LRP4: variants seen among roughly 807,000 people sequenced by gnomAD.
The protein encoded by LRP4 is low-density lipoprotein receptor-related protein 4.
LRP4 carries 95 observed loss-of-function variants against 220.3 expected under a neutral mutation model. The observed-to-expected ratio is 0.43, with a 90% CI of 0.37 to 0.51. The LOEUF (loss-of-function observed/expected upper bound fraction) is 0.51. LRP4 is among the 20% of genes least tolerant of loss of function. The pLI is 0.00. For missense variants in LRP4, 1,925 were observed against 2,567.0 expected (o/e 0.75, Z 5.40); for synonymous variants, 903 against 954.6 (o/e 0.95, Z 1.00).
chr11:46,859,769 G>A (rs1940489884), intron 37 of LRP4, among the ~76,000 whole-genome samples: 1 of 152,204 alleles, frequency 6.6e-6, no homozygotes, highest in South Asian at 2.1e-4. Flanking sequence ...CATTGTTACT[G>A]TGGTTTATTA....
chr11:46,858,270 A>T lies in LRP4; in HGVS notation c.*713T>A, dbSNP rs1306693135. ...ATAGGGGACCCAGTTATCTGAATGT[A>T]GAAACAGCTCCAGACATTCTAGGAG... On this transcript the variant is annotated 3_prime_UTR_variant, in exon 38 of 38. Transcript: ENST00000378623. 1 of 154,740 alleles carries T rather than the reference A, an allele frequency of 6.5e-6. No individual in the cohort carries two copies. Among genetic ancestry groups the T allele is most frequent in the Non-Finnish European group, 1.4e-5 (1 of 69,622 alleles). 9.6% of individuals were successfully genotyped at this position (154,740 alleles called of 1,614,324 possible). A position where few individuals can be genotyped will look rare whatever the true frequency, so the allele number is the denominator to read the frequency against.
chr11:46,905,452 C>T (rs747886359), intron 1 of LRP4, among the ~76,000 whole-genome samples: 1 of 152,200 alleles, frequency 6.6e-6, no homozygotes, highest in Non-Finnish European at 1.5e-5. Context: ...GATATTTTGT[C>T]CCCCGGAGGA....
At chr11:46,871,454 A>G in intron 31 of LRP4, 71 bp downstream of exon 31, 2 of 1,035,592 alleles carry the variant, frequency 1.9e-6, no homozygotes, top group South Asian at 2.7e-5. Context: ...TATAGCTGAG[A>G]CTGCTGACTT....
intron 37 of LRP4, among the ~76,000 whole-genome samples, chr11:46,861,505 T>C (rs1940546211): frequency 6.7e-6 from 1 of 149,768 alleles, no homozygotes; most frequent in African/African-American, 2.4e-5. Flanking sequence ...TATAGTTAGT[T>C]TCCTTGTGGA....
At chr11:46,865,832 T>A (rs1940680650) in intron 34 of LRP4, among the ~76,000 whole-genome samples, 1 of 152,208 alleles carries the variant, frequency 6.6e-6, no homozygotes, top group African/African-American at 2.4e-5. Context: ...GGTCAAAAGT[T>A]TTCTAAATAA....
At chr11:46,888,474 A>G (rs886733099) in intron 16 of LRP4, among the ~76,000 whole-genome samples, 1 of 138,850 alleles carries the variant, frequency 7.2e-6, no homozygotes, top group Non-Finnish European at 1.5e-5. Context: ...AATAGCTTGA[A>G]CCTGGGAAGT....
At position 46,899,832 on chromosome 11, in the gene LRP4, T is replaced by G. The variant is rs755182214; in HGVS notation, c.430+31A>C. On this transcript the variant is annotated intron_variant, in intron 4 of 37. Transcript: ENST00000378623. The surrounding 1 kb of genome is among the most constrained non-coding windows in gnomAD (Gnocchi z 5.9). ...ATGGCCAGGCCACCCACTGGCCACCTTGCCTGCCTTCCCCCGTTGGGGTCA... is the reference window on the plus strand; with the variant it reads ...ATGGCCAGGCCACCCACTGGCCACCGTGCCTGCCTTCCCCCGTTGGGGTCA... 8 of 1,595,264 alleles carry G rather than the reference T, an allele frequency of 5.0e-6. No individual in the cohort carries two copies. The highest frequency in any genetic ancestry group is 6.9e-6 in the Non-Finnish European group (8 of 1,163,974).
chr11:46,877,407 A>G, intron 22 of LRP4, 68 bp from the exon 23 acceptor site: 1 of 1,527,414 alleles, frequency 6.5e-7, no homozygotes, highest in Non-Finnish European at 9.1e-7. Context: ...GAATCAGGCA[A>G]ACTGAAACTC....
intron 31 of LRP4, among the ~76,000 whole-genome samples, chr11:46,870,105 CAA>C (rs761655724): frequency 2.3e-5 from 3 of 133,272 alleles, no homozygotes; most frequent in African/African-American, 2.8e-5. Context: ...GACTCCATCT[CAA>C]AAAAAAAAAA....
At chr11:46,867,792 G>A (rs1348226948) in intron 34 of LRP4, among the ~76,000 whole-genome samples, 187 bp downstream of exon 34, 1 of 152,154 alleles carries the variant, frequency 6.6e-6, no homozygotes, top group Non-Finnish European at 1.5e-5. Flanking sequence ...CTTGCCCTCA[G>A]AGCTAAAAAG....
intron 20 of LRP4, among the ~76,000 whole-genome samples, chr11:46,880,583 A>C (rs1334601092): frequency 6.6e-6 from 1 of 152,170 alleles, no homozygotes; most frequent in Non-Finnish European, 1.5e-5. Context: ...TGTTTGTGGC[A>C]CTACACTCCT....
chr11:46,872,149 G>A (rs1940881880), intron 30 of LRP4, among the ~76,000 whole-genome samples: 1 of 152,156 alleles, frequency 6.6e-6, no homozygotes, highest in Non-Finnish European at 1.5e-5. Context: ...CTAGCTACTT[G>A]GGAGGCTGCG....
At chr11:46,891,464 C>G (rs1022281093) in intron 13 of LRP4, among the ~76,000 whole-genome samples, 1 of 146,976 alleles carries the variant, frequency 6.8e-6, no homozygotes, top group African/African-American at 2.6e-5. Flanking sequence ...CACACACACA[C>G]AGACACACAC....
intron 1 of LRP4, among the ~76,000 whole-genome samples, chr11:46,914,275 G>A (rs907647941): frequency 6.6e-6 from 1 of 152,192 alleles, no homozygotes; most frequent in Non-Finnish European, 1.5e-5. Context: ...AGAATTGCCA[G>A]AGCCAAGATT....
intron 34 of LRP4, among the ~76,000 whole-genome samples, 178 bp from the exon 35 acceptor site, chr11:46,865,364 A>C (rs1181147756): frequency 6.6e-6 from 1 of 152,240 alleles, no homozygotes; most frequent in Middle Eastern, 3.2e-3. Flanking sequence ...AATCCGTGCA[A>C]GGCACTGTTT....
At chr11:46,895,130 C>A (rs1592541021) in intron 11 of LRP4, 36 bp downstream of exon 11, 2 of 1,612,750 alleles carry the variant, frequency 1.2e-6, no homozygotes, top group African/African-American at 2.7e-5. Context: ...CATGCTCGGC[C>A]CTCTGCCCAC....
In LRP4 at chr11:46,918,403, G is replaced by T; in HGVS notation, c.-24C>A. The T allele has an allele frequency of 7.2e-7, 1 of 1,397,730 alleles. No individual in the cohort carries two copies. Among genetic ancestry groups the T allele is most frequent in the South Asian group, 1.5e-5 (1 of 64,930 alleles). 86.6% of individuals were successfully genotyped at this position (1,397,730 alleles called of 1,614,324 possible). ...ATGGTGCCGCCCGCGCCGCTCGCCC[G>T]GGGTCCCGCCGGCTCCCGCCGGACG... On this transcript the variant is annotated 5_prime_UTR_variant, in exon 1 of 38. Coordinates refer to ENST00000378623, the MANE Select transcript of LRP4 (RefSeq NM_002334.4). This position sits in a 1 kb window ranked among gnomAD's most constrained non-coding sequence, Gnocchi z 6.0.
chr11:46,910,642 A>C (rs779053400), intron 1 of LRP4, among the ~76,000 whole-genome samples: 3 of 149,718 alleles, frequency 2.0e-5, no homozygotes, highest in African/African-American at 7.4e-5. Context: ...CTTTCTCTGA[A>C]AGAGCTTGAG....
chr11:46,897,053 G>C, intron 7 of LRP4, 59 bp from the exon 8 acceptor site: 1 of 1,610,858 alleles, frequency 6.2e-7, no homozygotes, highest in Non-Finnish European at 8.5e-7. Context: ...AATTCTCCCT[G>C]CCACCCAAAT....
Sources: allele counts gnomAD v4.1 joint callset (sites outside exome capture counted in the v4.1 genomes callset), GRCh38; gene constraint gnomAD v4.1.1; non-coding constraint Gnocchi (gnomAD v3.1); transcripts MANE v1.5; gene names NCBI Gene and HGNC (gene_info 2026-07-23, HGNC 2026-07-21).